RALGPS1: variants seen among roughly 807,000 people sequenced by gnomAD.
RALGPS1 encodes ras-specific guanine nucleotide-releasing factor RalGPS1.
In RALGPS1, 19 loss-of-function variants were observed where a neutral mutation model predicts 78.8. That is an observed-to-expected ratio of 0.24 (90% CI 0.17 to 0.35). The LOEUF (loss-of-function observed/expected upper bound fraction) is 0.35, where lower values mean the gene tolerates loss of function less well. Among genes scored for constraint, RALGPS1 ranks in the 10% least tolerant of loss-of-function variants. The probability of loss-of-function intolerance (pLI) is 1.00; values close to 1 mark genes in which losing one functional copy is unlikely to be tolerated. For synonymous variants in RALGPS1, 228 were observed against 256.3 expected, an observed-to-expected ratio of 0.89 and a Z score of 1.06; for missense variants, 454 against 688.3, an observed-to-expected ratio of 0.66 and a Z score of 3.81.
Position 127,091,666 on chromosome 9 carries a change from C to G in RALGPS1, c.610+22310C>G, listed in dbSNP as rs1379142034. 1.2e-6 allele frequency: 2 copies of G among 1,611,156 alleles called. No homozygotes were observed. The highest frequency in any genetic ancestry group is 3.3e-5 in the Admixed American group (2 of 59,948). ...GCACCTGGGTTTGACTCCACTTTTC[C>G]TACCTGTGTAGACATCATGATCTCT... is the stretch of plus-strand genomic sequence containing the variant. On this transcript the variant is annotated intron_variant, in intron 8 of 18. Transcript: ENST00000259351. This position sits in a 1 kb window ranked among gnomAD's most constrained non-coding sequence, Gnocchi z 4.3.
intron 5 of RALGPS1, among the ~76,000 whole-genome samples, chr9:127,049,698 T>C (rs1217729884): frequency 1.3e-5 from 2 of 152,174 alleles, no homozygotes; most frequent in Non-Finnish European, 2.9e-5. Flanking sequence ...ACAACTGGGA[T>C]CCTTCTGAGC....
In RALGPS1 at chr9:127,219,956, C is replaced by G. The variant is rs922463819; in HGVS notation, c.*1187C>G. 1 of 152,634 alleles carries G rather than the reference C, an allele frequency of 6.6e-6. No homozygotes were observed. The highest frequency in any genetic ancestry group is 2.4e-5 in the African/African-American group (1 of 41,456). The allele number at this position is 152,634 out of a possible 1,614,324, so 9.5% of individuals were successfully genotyped here. A position where few individuals can be genotyped will look rare whatever the true frequency, so the allele number is the denominator to read the frequency against. On this transcript the variant is annotated 3_prime_UTR_variant, in exon 19 of 19. Transcript: ENST00000259351. This position sits in a 1 kb window ranked among gnomAD's most constrained non-coding sequence, Gnocchi z 5.0. ...TGTTGATGACCGTGTGACAATAGAG[C>G]GAAGCCCCGGGGAGTGAACGGTCCA...
intron 8 of RALGPS1, among the ~76,000 whole-genome samples, chr9:127,123,263 T>C (rs2056332630): frequency 6.6e-6 from 1 of 152,218 alleles, no homozygotes; most frequent in Non-Finnish European, 1.5e-5. Flanking sequence ...GGCAGTGGCT[T>C]AGGACAGTGG....
At chr9:126,955,229 C>T (rs950397649) in intron 1 of RALGPS1, among the ~76,000 whole-genome samples, 2 of 152,178 alleles carry the variant, frequency 1.3e-5, no homozygotes, top group Non-Finnish European at 2.9e-5. Flanking sequence ...ATATAAGTTC[C>T]GTGGCAGCAG....
At chr9:127,189,674 G>T (rs952956093) in intron 11 of RALGPS1, among the ~76,000 whole-genome samples, 1 of 152,224 alleles carries the variant, frequency 6.6e-6, no homozygotes, top group African/African-American at 2.4e-5. Flanking sequence ...TTACAAAGAT[G>T]TGGGCAGAGT....
At chr9:127,202,655 G>A (rs1373587693) in intron 14 of RALGPS1, among the ~76,000 whole-genome samples, 1 of 152,130 alleles carries the variant, frequency 6.6e-6, no homozygotes, top group Non-Finnish European at 1.5e-5. Context: ...AGTCACTTCT[G>A]AGCCCCCAGG....
intron 4 of RALGPS1, among the ~76,000 whole-genome samples, chr9:126,988,017 G>T (rs1450882435): frequency 6.6e-6 from 1 of 152,212 alleles, no homozygotes; most frequent in African/African-American, 2.4e-5. Context: ...GAAAGATTCA[G>T]TTGCATATGG....
chr9:127,139,232 C>T (rs1447584383), intron 8 of RALGPS1, among the ~76,000 whole-genome samples: 3 of 152,164 alleles, frequency 2.0e-5, no homozygotes, highest in Admixed American at 6.5e-5. Flanking sequence ...GTTGACAAGT[C>T]ACCCATGTTC....
intron 5 of RALGPS1, among the ~76,000 whole-genome samples, chr9:127,038,949 G>A (rs879790771): frequency 6.6e-6 from 1 of 152,164 alleles, no homozygotes; most frequent in Non-Finnish European, 1.5e-5. Context: ...TTGGTATTTG[G>A]GCAGTCCCAT....
In RALGPS1 at chr9:127,006,095, G is replaced by A. The variant is rs533224404; in HGVS notation, c.217-28336G>A. On this transcript the variant is annotated intron_variant, in intron 4 of 18. Transcript: ENST00000259351. The stretch of plus-strand genomic sequence containing the variant: ...AATAGCCATCTATGACACATCCACA[G>A]TCAGCATCATACTGAATGGGCAAGA... Among the ~76,000 whole-genome samples the A allele has an allele frequency of 2.6e-5, 4 of 152,316 alleles. No individual in the cohort carries two copies. In the East Asian group the frequency reaches 7.7e-4, roughly 29 times the overall value.
chr9:127,029,436 G>GT (rs367905546), intron 4 of RALGPS1, among the ~76,000 whole-genome samples: 10 of 151,426 alleles, frequency 6.6e-5, no homozygotes, highest in South Asian at 2.1e-4. Flanking sequence ...CTTTCCTGTT[G>GT]TTTTTTTTTC....
intron 8 of RALGPS1, among the ~76,000 whole-genome samples, chr9:127,119,523 C>G (rs1173831115): frequency 6.6e-6 from 1 of 152,182 alleles, no homozygotes; most frequent in Admixed American, 6.5e-5. Context: ...TGACTTTGGG[C>G]AAGTTAACCT....
chr9:126,945,786 T>G (rs1330732799), intron 1 of RALGPS1, among the ~76,000 whole-genome samples: 1 of 152,196 alleles, frequency 6.6e-6, no homozygotes, highest in Non-Finnish European at 1.5e-5. Context: ...TGGACTGAAT[T>G]CTTTCTGCAG....
At chr9:126,958,523 A>G (rs1043933927) in intron 1 of RALGPS1, among the ~76,000 whole-genome samples, 2 of 152,090 alleles carry the variant, frequency 1.3e-5, no homozygotes, top group African/African-American at 4.8e-5. Context: ...CACACAGTAC[A>G]TTCCTTTTCA....
At chr9:127,136,542 C>G (rs1169534523) in intron 8 of RALGPS1, among the ~76,000 whole-genome samples, 1 of 151,792 alleles carries the variant, frequency 6.6e-6, no homozygotes, top group Admixed American at 6.6e-5. Context: ...GCTCTTCAGC[C>G]TCTCTGAGCC....
At chr9:127,113,430 C>T (rs946277712) in intron 8 of RALGPS1, among the ~76,000 whole-genome samples, 1 of 150,256 alleles carries the variant, frequency 6.7e-6, no homozygotes, top group African/African-American at 2.4e-5. Context: ...TCTTAATGGG[C>T]AGTAATAAGT....
intron 4 of RALGPS1, among the ~76,000 whole-genome samples, chr9:126,997,462 G>A (rs894225068): frequency 3.3e-5 from 5 of 152,122 alleles, no homozygotes; most frequent in African/African-American, 9.7e-5. Flanking sequence ...CAACTTACAA[G>A]GGATGTGAAG....
At chr9:127,089,862 C>G (rs1025052640) in intron 8 of RALGPS1, among the ~76,000 whole-genome samples, 1 of 152,240 alleles carries the variant, frequency 6.6e-6, no homozygotes, top group Non-Finnish European at 1.5e-5. Flanking sequence ...GGGCCACTAT[C>G]TGCCAGCATT....
chr9:127,193,466 G>A (rs528163921), intron 11 of RALGPS1, among the ~76,000 whole-genome samples: 1 of 152,038 alleles, frequency 6.6e-6, no homozygotes, highest in Admixed American at 6.5e-5. Flanking sequence ...GAAGGAGGGG[G>A]GACAGCAGAG....
Sources: gnomAD v4.1 joint callset for allele counts (sites outside exome capture counted in the v4.1 genomes callset) on GRCh38, gnomAD v4.1.1 for gene constraint, Gnocchi (gnomAD v3.1) non-coding constraint, MANE v1.5 for transcripts, NCBI Gene and HGNC (gene_info 2026-07-23, HGNC 2026-07-21) for gene names.